The following CDH23 variants were observed in gnomAD, a reference collection of about 807,000 sequenced individuals.
CDH23 encodes cadherin related 23.
Under a neutral mutation model 317.1 loss-of-function variants are expected in CDH23, and 189 were observed. The ratio of observed to expected loss-of-function variants is 0.60; its 90% CI spans 0.53 to 0.67. The LOEUF is 0.67. Ranked by LOEUF, CDH23 falls within the 30% of genes least tolerant of loss-of-function variation. The pLI, the probability that CDH23 is intolerant of heterozygous loss-of-function variation, is 0.00. For synonymous variants in CDH23, 1,839 were observed against 1,876.8 expected (o/e 0.98, Z 0.52); for missense variants, 4,401 against 4,592.4 (o/e 0.96, Z 1.20).
chr10:71,432,391 T>G (rs1849425216), intron 1 of CDH23, among the ~76,000 whole-genome samples: 1 of 113,048 alleles, frequency 8.8e-6, no homozygotes, highest in Non-Finnish European at 2.0e-5. Flanking sequence ...GTGTGAGTTG[T>G]GTGGTGTGTG....
At chr10:71,702,787 G>T in intron 24 of CDH23, 93 bp downstream of exon 24, 1 of 1,447,114 alleles carries the variant, frequency 6.9e-7, no homozygotes, top group South Asian at 1.1e-5. Flanking sequence ...CAGGGCTGGG[G>T]CAGGGGAGGA....
chr10:71,643,646 G>C (rs1306374963), intron 11 of CDH23, among the ~76,000 whole-genome samples: 6 of 151,980 alleles, frequency 3.9e-5, no homozygotes, highest in Non-Finnish European at 8.8e-5. Context: ...CAGCACACAT[G>C]TGTGCACACT....
chr10:71,651,382 A>AG (rs1863162594), intron 14 of CDH23, among the ~76,000 whole-genome samples: 1 of 151,658 alleles, frequency 6.6e-6, no homozygotes, highest in Non-Finnish European at 1.5e-5. Flanking sequence ...AAAAAAAAAA[A>AG]AAATGCCAGC....
chr10:71,503,010 G>A (rs1564619547), intron 3 of CDH23, among the ~76,000 whole-genome samples: 1 of 152,196 alleles, frequency 6.6e-6, no homozygotes, highest in Non-Finnish European at 1.5e-5. Flanking sequence ...GCCCCTCAGT[G>A]CAAATAACAA....
At chr10:71,506,450 G>A (rs1853644303) in intron 3 of CDH23, among the ~76,000 whole-genome samples, 1 of 152,238 alleles carries the variant, frequency 6.6e-6, no homozygotes, top group African/African-American at 2.4e-5. Context: ...GCCCTGAGAT[G>A]CAAGGTATAT....
At chr10:71,806,096 T>C in intron 56 of CDH23, 72 bp from the exon 57 acceptor site, 3 of 1,530,472 alleles carry the variant, frequency 2.0e-6, no homozygotes, top group East Asian at 2.5e-5. Context: ...CTAGGGGAAC[T>C]GGCCACCGGG....
intron 28 of CDH23, among the ~76,000 whole-genome samples, chr10:71,720,796 G>A (rs1229686753): frequency 1.3e-5 from 2 of 152,316 alleles, no homozygotes; most frequent in African/African-American, 4.8e-5. Context: ...AAGAGCCCCC[G>A]TCTTCTCTCA....
rs965795098 is a variant in CDH23 at position 71,809,987 on chromosome 10, A to C, written c.8890A>C (p.Ile2964Leu). ...DQRVKIVINE[I>L]PDRVRGFEEE... ...GCGCGTCAAGATCGTCATTAACGAG[A>C]TCCCCGACCGTGTGCGCGGCTTCGA... The change falls in exon 61 of 70, where the codon ATC becomes CTC. Residue 2964 changes from isoleucine to leucine, a missense_variant. By Grantham distance (5) the Ile-to-Leu change is conservative. This residue lies in a region of CDH23 where 1,144 missense variants were observed against 1,138.2 expected (regional missense o/e 1.01). Coordinates refer to ENST00000224721, the MANE Select transcript of CDH23 (RefSeq NM_022124.6). The C allele has an allele frequency of 6.2e-7, 1 of 1,612,308 alleles. No individual in the cohort carries two copies. The highest frequency in any genetic ancestry group is 8.5e-7 in the Non-Finnish European group (1 of 1,179,874).
chr10:71,726,343 C>A (rs2132808405), intron 30 of CDH23, among the ~76,000 whole-genome samples: 1 of 152,272 alleles, frequency 6.6e-6, no homozygotes, highest in Middle Eastern at 3.4e-3. Flanking sequence ...CTCTTATCAG[C>A]CCCATCTCCA....
rs761814772 is a variant in CDH23, at chr10:71,713,110, G to A, written c.3369+297G>A. ...CCACCCAGAAGGGCCTTTCAGAGTA[G>A]CGGGGAGAAAGAGACGTCACAATTT... On this transcript the variant is annotated intron_variant, in intron 28 of 69. Coordinates refer to ENST00000224721, the MANE Select transcript of CDH23 (RefSeq NM_022124.6). 7.8e-6 allele frequency: 6 copies of A among 772,778 alleles called. No individual in the cohort carries two copies. The South Asian group carries it at 8.2e-5, about 11-fold the overall frequency. 47.9% of individuals were successfully genotyped at this position (772,778 alleles called of 1,614,324 possible). A position where few individuals can be genotyped will look rare whatever the true frequency, so the allele number is the denominator to read the frequency against.
chr10:71,741,994 GATGGGTGAGA>G, intron 38 of CDH23, 73 bp downstream of exon 38: 1 of 1,217,932 alleles, frequency 8.2e-7, no homozygotes, highest in Middle Eastern at 2.2e-4. Context: ...AGGGGAACAA[GATGGGTGAGA>G]ATGGAATTCC....
At chr10:71,451,514 C>T (rs944767703) in intron 3 of CDH23, among the ~76,000 whole-genome samples, 2 of 152,226 alleles carry the variant, frequency 1.3e-5, no homozygotes, top group Non-Finnish European at 2.9e-5. Context: ...GTGTGAAAGG[C>T]AAGCTCCCAC....
intron 3 of CDH23, among the ~76,000 whole-genome samples, chr10:71,489,594 G>GGGGTGT (rs1554830087): frequency 1.4e-4 from 19 of 139,802 alleles, no homozygotes; most frequent in African/African-American, 2.4e-4. Flanking sequence ...AGTGCCTCGG[G>GGGGTGT]GTGTGTGTGT....
At position 71,494,615 on chromosome 10, in the gene CDH23, A is replaced by G. The variant is rs548465557; in HGVS notation, c.146-15467A>G. 6.2e-4 allele frequency among the ~76,000 whole-genome samples: 95 copies of G among 152,334 alleles called. 1 individual carries two copies. The highest frequency in any genetic ancestry group is 3.4e-3 in the Middle Eastern group (1 of 294). The stretch of plus-strand genomic sequence containing the variant: ...CTTAACAGAGTGTCTCCCATACGGT[A>G]GATGCTCAATAAATAGTGGCAAGGC... On this transcript the variant is annotated intron_variant, in intron 3 of 69. Coordinates refer to ENST00000224721, the MANE Select transcript of CDH23 (RefSeq NM_022124.6).
intron 3 of CDH23, among the ~76,000 whole-genome samples, chr10:71,497,501 G>T (rs890480084): frequency 3.1e-5 from 3 of 98,340 alleles, no homozygotes; most frequent in African/African-American, 6.9e-5. Context: ...CTATTTCAGG[G>T]CAGAAAAAAA....
chr10:71,550,563 AAAAAAAAAAAAAAAG>A (rs1856522790), intron 6 of CDH23, among the ~76,000 whole-genome samples: 1 of 109,858 alleles, frequency 9.1e-6, no homozygotes, highest in Non-Finnish European at 1.9e-5. Context: ...CTGTCTCAAA[AAAAAAAAAAAAAAAG>A]AAAAAAGAAA....
chr10:71,510,218 C>T lies in CDH23; in HGVS notation c.282C>T (p.Asp94=). ...TGGTGTGGCTCCGGCAGCCACTGGA[C>T]AGAGAGGTATGACTTGCCCATACCC... The part of the protein sequence containing the change: ...TGVVWLRQPL[D]RETKSEFTVE... Residue 94 remains aspartate, a synonymous_variant, in exon 4 of 70, where the codon GAC becomes GAT. Transcript: ENST00000224721. 1 of 1,613,602 alleles carries T rather than the reference C, an allele frequency of 6.2e-7. No homozygotes were observed. Among genetic ancestry groups the T allele is most frequent in the Non-Finnish European group, 8.5e-7 (1 of 1,179,830 alleles).
intron 1 of CDH23, among the ~76,000 whole-genome samples, chr10:71,438,347 C>CAAAAAAAAAAAA (rs10596696): frequency 6.6e-4 from 65 of 98,144 alleles, no homozygotes; most frequent in East Asian, 9.7e-4. Flanking sequence ...CTGTCTCAAA[C>CAAAAAAAAAAAA]AAAAAAAAAA....
chr10:71,750,252 G>C (rs1179889093), intron 38 of CDH23: 1 of 152,278 alleles, frequency 6.6e-6, no homozygotes, highest in African/African-American at 2.4e-5. Context: ...TGGAAGGTGG[G>C]GGTGGGGGAG....
Sources: allele counts gnomAD v4.1 joint callset (sites outside exome capture counted in the v4.1 genomes callset), GRCh38; gene constraint gnomAD v4.1.1; regional missense constraint gnomAD v4.1.1; transcripts MANE v1.5; gene names NCBI Gene and HGNC (gene_info 2026-07-23, HGNC 2026-07-21).